VIRMA: variants seen among roughly 807,000 people sequenced by gnomAD.
VIRMA encodes protein virilizer homolog.
In VIRMA, 65 loss-of-function variants were observed where a neutral mutation model predicts 182.4. The observed-to-expected ratio is 0.36, with a 90% CI of 0.29 to 0.44. The LOEUF (loss-of-function observed/expected upper bound fraction) is 0.44. VIRMA is among the 20% of genes least tolerant of loss of function. The pLI is 1.00. For missense variants in VIRMA, 1,752 were observed against 2,158.1 expected, an observed-to-expected ratio of 0.81 and a Z score of 3.73; for synonymous variants, 709 against 743.1, an observed-to-expected ratio of 0.95 and a Z score of 0.75.
At chr8:94,545,304 A>C (rs12334783) in intron 1 of VIRMA, among the ~76,000 whole-genome samples, 6,068 of 152,288 alleles carry the variant, frequency 0.04, 131 homozygotes, top group Non-Finnish European at 0.05. Flanking sequence ...CTATTACTTC[A>C]GTCAACTGTT....
chr8:94,523,025 T>C (rs907514656), intron 8 of VIRMA, among the ~76,000 whole-genome samples: 4 of 152,242 alleles, frequency 2.6e-5, no homozygotes, highest in African/African-American at 9.6e-5. Context: ...ATTTAATTAC[T>C]AGCTTCTTCT....
chr8:94,539,068 A>ATT (rs759879190), intron 2 of VIRMA, among the ~76,000 whole-genome samples: 9 of 137,124 alleles, frequency 6.6e-5, no homozygotes, highest in East Asian at 4.3e-4. Context: ...CACTGGGCTA[A>ATT]TTTTTTTTTT....
Position 94,525,336 on chromosome 8 carries a change from A to G in VIRMA, c.2021+887T>C, listed in dbSNP as rs993891534. 2.0e-5 allele frequency among the ~76,000 whole-genome samples: 3 copies of G among 152,218 alleles called. No individual in the cohort carries two copies. In the South Asian group the frequency reaches 6.2e-4, roughly 32 times the overall value. On this transcript the variant is annotated intron_variant, in intron 8 of 23. Coordinates refer to ENST00000297591, the MANE Select transcript of VIRMA (RefSeq NM_015496.5). ...CCAGCTGTCCACAGCAATAAGTATA[A>G]TAACACTTCCTTTACTGGTTTTTCT... is the stretch of plus-strand genomic sequence containing the variant.
At chr8:94,532,142 T>C (rs1395476123) in intron 5 of VIRMA, among the ~76,000 whole-genome samples, 12 of 152,198 alleles carry the variant, frequency 7.9e-5, no homozygotes. Flanking sequence ...AGTCTTGCTC[T>C]TTCGCCCAGG....
At chr8:94,534,518 T>G (rs1002000899) in intron 5 of VIRMA, 11 of 393,786 alleles carry the variant, frequency 2.8e-5, no homozygotes, top group African/African-American at 2.1e-4. Flanking sequence ...TAAGCAAGGT[T>G]CAAAAGGTGA....
chr8:94,534,330 GA>G (rs1322235330), intron 5 of VIRMA: 1 of 153,148 alleles, frequency 6.5e-6, no homozygotes, highest in African/African-American at 2.4e-5. Flanking sequence ...AGTAAACCAT[GA>G]ATAGTCACTA....
At chr8:94,518,441 T>C (rs1814635753) in intron 9 of VIRMA, among the ~76,000 whole-genome samples, 2 of 152,192 alleles carry the variant, frequency 1.3e-5, no homozygotes, top group African/African-American at 4.8e-5. Flanking sequence ...ATACACCCAG[T>C]CCTCATAGTG....
chr8:94,511,782 CTGAT>C (rs1260516501), intron 12 of VIRMA, 53 bp from the exon 13 acceptor site: 8 of 1,137,798 alleles, frequency 7.0e-6, no homozygotes, highest in Middle Eastern at 2.5e-4. Flanking sequence ...ATGTTAATAA[CTGAT>C]TAAGAATTAT....
At chr8:94,528,956 C>G (rs754103037) in intron 7 of VIRMA, 114 bp downstream of exon 7, 2 of 1,334,408 alleles carry the variant, frequency 1.5e-6, no homozygotes, top group Non-Finnish European at 2.1e-6. Context: ...ACATTCTGAC[C>G]CTGGGTTTCT....
At chr8:94,517,729 A>G (rs551918844) in intron 10 of VIRMA, 59 bp downstream of exon 10, 2 of 1,235,088 alleles carry the variant, frequency 1.6e-6, no homozygotes, top group Non-Finnish European at 2.3e-6. Flanking sequence ...AATTACAGAT[A>G]TTCAAAGGTT....
At chr8:94,507,431 AG>A (rs989202438) in intron 15 of VIRMA, among the ~76,000 whole-genome samples, 3 of 150,696 alleles carry the variant, frequency 2.0e-5, no homozygotes, top group African/African-American at 7.3e-5. Flanking sequence ...CACTGTGCCC[AG>A]CCAGAAATAA....
chr8:94,497,436 T>G (rs1385713296), intron 17 of VIRMA: 1 of 137,680 alleles, frequency 7.3e-6, no homozygotes, highest in African/African-American at 2.7e-5. Flanking sequence ...TTCTTTTTTT[T>G]TCTTTTTTTT....
In VIRMA at chr8:94,511,356, TTGTGTAA is replaced by T; in HGVS notation, c.3212_3218del (p.Phe1071Ter). The T allele has an allele frequency of 6.2e-7, 1 of 1,613,904 alleles. No homozygotes were observed. Among genetic ancestry groups the T allele is most frequent in the Non-Finnish European group, 8.5e-7 (1 of 1,179,934 alleles). ...AGATTGTGAGTTTTTCATTAACTCCTTGTGTAAAAGTCAGTAAAATATCAATGATATC... is the reference window on the plus strand; with the variant it reads ...AGATTGTGAGTTTTTCATTAACTCCTAAGTCAGTAAAATATCAATGATATC... On this transcript the variant is annotated frameshift_variant, in exon 13 of 24. Transcript: ENST00000297591. LOFTEE classifies it high-confidence loss of function.
intron 1 of VIRMA, among the ~76,000 whole-genome samples, chr8:94,552,700 T>G (rs1816038712): frequency 6.6e-6 from 1 of 152,196 alleles, no homozygotes; most frequent in South Asian, 2.1e-4. Flanking sequence ...GGCGCTCAAG[T>G]AGTTTTGTAC....
intron 15 of VIRMA, among the ~76,000 whole-genome samples, chr8:94,508,675 C>G (rs941916005): frequency 1.3e-5 from 2 of 150,894 alleles, no homozygotes; most frequent in Non-Finnish European, 2.9e-5. Flanking sequence ...TACCAGGTCC[C>G]CTTCTTTGTG....
At chr8:94,543,510 TA>T (rs1019550879) in intron 2 of VIRMA, among the ~76,000 whole-genome samples, 4 of 151,514 alleles carry the variant, frequency 2.6e-5, no homozygotes, top group Admixed American at 6.6e-5. Flanking sequence ...AAAATCAGGT[TA>T]AAAATACTTC....
intron 1 of VIRMA, among the ~76,000 whole-genome samples, chr8:94,544,449 G>A (rs1336062539): frequency 2.0e-5 from 3 of 151,904 alleles, no homozygotes; most frequent in Non-Finnish European, 2.9e-5. Flanking sequence ...CAGGCAGGTG[G>A]ATCACGAGGT....
At chr8:94,493,089 A>G (rs566751665) in intron 20 of VIRMA, among the ~76,000 whole-genome samples, 2 of 152,276 alleles carry the variant, frequency 1.3e-5, no homozygotes, top group South Asian at 4.1e-4. Context: ...TGAGCAGGAA[A>G]CTCAGTATTT....
intron 17 of VIRMA, 176 bp downstream of exon 17, chr8:94,499,198 A>G (rs1813887173): frequency 4.8e-6 from 2 of 414,170 alleles, no homozygotes; most frequent in African/African-American, 4.1e-5. Flanking sequence ...ACAGGGTCTC[A>G]CTATTTTGCC....
Sources: gnomAD v4.1 joint callset for allele counts (sites outside exome capture counted in the v4.1 genomes callset) on GRCh38, gnomAD v4.1.1 for gene constraint, MANE v1.5 for transcripts, NCBI Gene and HGNC (gene_info 2026-07-23, HGNC 2026-07-21) for gene names.